Variants in PRDM14 observed in about 807,000 individuals in gnomAD.
PRDM14 encodes the protein PR/SET domain 14.
Under a neutral mutation model 48.0 loss-of-function variants are expected in PRDM14, and 16 were observed. The ratio of observed to expected loss-of-function variants is 0.33; its 90% CI spans 0.23 to 0.51. The LOEUF is 0.51. Among genes scored for constraint, PRDM14 ranks in the 20% least tolerant of loss-of-function variants. PRDM14 has a pLI of 0.97. For synonymous variants in PRDM14, 264 were observed against 276.6 expected, an observed-to-expected ratio of 0.95 and a Z score of 0.45; for missense variants, 566 against 719.6, an observed-to-expected ratio of 0.79 and a Z score of 2.44.
At chr8:70,065,327 T>C (rs1805649919) in intron 5 of PRDM14, among the ~76,000 whole-genome samples, 1 of 152,124 alleles carries the variant, frequency 6.6e-6, no homozygotes, top group Non-Finnish European at 1.5e-5. Flanking sequence ...TTTACAGGAA[T>C]TTACATTTAT....
chr8:70,065,905 CAG>C (rs1257067005), intron 5 of PRDM14, among the ~76,000 whole-genome samples: 1 of 152,030 alleles, frequency 6.6e-6, no homozygotes, highest in Non-Finnish European at 1.5e-5. Context: ...TTAGCCTGGG[CAG>C]AGATGAATCA....
chr8:70,056,880 A>C (rs1262330620), intron 6 of PRDM14, among the ~76,000 whole-genome samples: 1 of 150,810 alleles, frequency 6.6e-6, no homozygotes, highest in African/African-American at 2.4e-5. Flanking sequence ...CGTCTGTTGA[A>C]GGGTAAGCCA....
Position 70,069,501 on chromosome 8 carries a change from C to G in PRDM14, c.360G>C (p.Glu120Asp). 6.3e-7 allele frequency: 1 copy of G among 1,592,474 alleles called. No homozygotes were observed. The highest frequency in any genetic ancestry group is 8.6e-7 in the Non-Finnish European group (1 of 1,168,476). The stretch of plus-strand genomic sequence containing the variant: ...GATCTTCACTGCTGGCACCCGCGTA[C>G]TCGTGGCTGCTGCTCAGGAAGGGCG... Reference protein sequence around the residue: ...EVPPFLSSSHEYAGASSEDLG... With the variant: ...EVPPFLSSSHDYAGASSEDLG... Residue 120 changes from glutamate (E) to aspartate (D), a missense_variant, in exon 2 of 8, where the codon GAG becomes GAC. Around this residue, in one of 3 missense-constraint regions of PRDM14, gnomAD observed 410 missense variants for 424.6 expected, o/e 0.97. Transcript: ENST00000276594.
chr8:70,057,187 G>A (rs181818940), intron 6 of PRDM14, among the ~76,000 whole-genome samples: 1 of 152,042 alleles, frequency 6.6e-6, no homozygotes, highest in East Asian at 2.0e-4. Flanking sequence ...CGATGGTCTT[G>A]ATCTCCTGAC....
intron 2 of PRDM14, 68 bp from the exon 3 acceptor site, chr8:70,068,600 T>C: frequency 7.8e-7 from 1 of 1,283,998 alleles, no homozygotes. Context: ...ATGAGGTGTT[T>C]CCCTCCTTAA....
rs1206900365 is a variant in PRDM14 at position 70,069,613 on chromosome 8, C to T, written c.248G>A (p.Gly83Asp). The T allele has an allele frequency of 1.3e-6, 2 of 1,582,324 alleles. No homozygotes were observed. The highest frequency in any genetic ancestry group is 1.7e-6 in the Non-Finnish European group (2 of 1,164,834). The stretch of plus-strand genomic sequence containing the variant: ...ATCGTAGAGAGGCTCCCTCTGTAGG[C>T]CCAGACCCGGGCTCAGCAAGGGAGG... ...MAPPLLSPGL[G>D]LQREPLYDLP... Residue 83 changes from glycine to aspartate, a missense_variant, in exon 2 of 8, where the codon GGC becomes GAC. Around this residue, in one of 3 missense-constraint regions of PRDM14, gnomAD observed 410 missense variants for 424.6 expected, o/e 0.97. Transcript: ENST00000276594.
intron 5 of PRDM14, among the ~76,000 whole-genome samples, chr8:70,059,281 T>C (rs111792888): frequency 0.17 from 25,621 of 151,292 alleles, 2,612 homozygotes; most frequent in Admixed American, 0.29. Flanking sequence ...CTTTTCTTTT[T>C]TTTTTTTTGA....
At chr8:70,058,600 G>A (rs1275881959) in intron 6 of PRDM14, 40 bp downstream of exon 6, 3 of 1,575,740 alleles carry the variant, frequency 1.9e-6, no homozygotes, top group African/African-American at 1.3e-5. Flanking sequence ...GGAAGGGAGA[G>A]AGAACGTGAT....
chr8:70,070,101 C>G (rs951836436), intron 1 of PRDM14, among the ~76,000 whole-genome samples: 5 of 152,214 alleles, frequency 3.3e-5, no homozygotes, highest in Non-Finnish European at 7.3e-5. Context: ...CGGAAATCTG[C>G]CGGGATCCTG....
At chr8:70,058,994 GC>G in intron 5 of PRDM14, 152 bp from the exon 6 acceptor site, 1 of 646,060 alleles carries the variant, frequency 1.5e-6, no homozygotes, top group Non-Finnish European at 2.5e-6. Flanking sequence ...TTGCTGTATT[GC>G]CCAGTCTGTA....
chr8:70,057,889 G>C (rs1299403310), intron 6 of PRDM14, among the ~76,000 whole-genome samples: 1 of 152,138 alleles, frequency 6.6e-6, no homozygotes, highest in Non-Finnish European at 1.5e-5. Flanking sequence ...GGAGAAATTA[G>C]GACAATTTTA....
In PRDM14 at chr8:70,068,319, C is replaced by T. The variant is rs576020321; in HGVS notation, c.823G>A (p.Ala275Thr). The change falls in exon 4 of 8, where the codon GCC becomes ACC. Residue 275 changes from alanine (A) to threonine (T), a missense_variant. By Grantham distance (58) the Ala-to-Thr change is moderately conservative. Around this residue, in one of 3 missense-constraint regions of PRDM14, gnomAD observed 410 missense variants for 424.6 expected, o/e 0.97. Coordinates refer to ENST00000276594, the MANE Select transcript of PRDM14 (RefSeq NM_024504.4). ...HFGVFCSSFI[A>T]KGVRFGPFQG... is the part of the protein sequence containing the mutation. ...AAGGGCCCAAACCTGACTCCTTTGG[C>T]GATAAAACTACTGCAGAACACACCA... is the stretch of plus-strand genomic sequence containing the variant. 9.9e-6 allele frequency: 16 copies of T among 1,614,176 alleles called. No individual in the cohort carries two copies. Among genetic ancestry groups the T allele is most frequent in the South Asian group, 4.4e-5 (4 of 91,090 alleles).
intron 7 of PRDM14, among the ~76,000 whole-genome samples, chr8:70,054,072 A>T (rs989258000): frequency 6.6e-6 from 1 of 152,220 alleles, no homozygotes; most frequent in Non-Finnish European, 1.5e-5. Flanking sequence ...ATTAACCGCG[A>T]ACTGCACATT....
At chr8:70,053,456 T>C (rs1482263516) in intron 7 of PRDM14, among the ~76,000 whole-genome samples, 2 of 152,164 alleles carry the variant, frequency 1.3e-5, no homozygotes, top group African/African-American at 2.4e-5. Flanking sequence ...AGTGGCACAA[T>C]CTTGGCTCAC....
intron 6 of PRDM14, among the ~76,000 whole-genome samples, chr8:70,057,068 C>A (rs1210858629): frequency 6.6e-6 from 1 of 151,696 alleles, no homozygotes; most frequent in Non-Finnish European, 1.5e-5. Flanking sequence ...CAGGTTCACG[C>A]CATTCTCCTG....
At position 70,058,763 on chromosome 8, in the gene PRDM14, G is replaced by A. The variant is rs1440281297; in HGVS notation, c.1263C>T (p.Tyr421=). Residue 421 remains tyrosine (Y), a synonymous_variant, in exon 6 of 8, where the codon TAC becomes TAT. Transcript: ENST00000276594. ...TATCGCCCTTGTCCACACAGGGGGT[G>A]TACTTGAGGTGCTTATCTCTGTAAT... ...YKYYRDKHLK[Y]TPCVDKGDRK... The A allele has an allele frequency of 3.1e-6, 5 of 1,613,840 alleles. No individual in the cohort carries two copies. The Admixed American group carries it at 6.7e-5, about 22-fold the overall frequency.
intron 5 of PRDM14, among the ~76,000 whole-genome samples, chr8:70,059,276 C>CTT (rs1306697343): frequency 0.013 from 1,797 of 143,302 alleles, 44 homozygotes; most frequent in African/African-American, 0.045. Flanking sequence ...CTTTTCTTTT[C>CTT]TTTTTTTTTT....
intron 5 of PRDM14, 58 bp downstream of exon 5, chr8:70,066,177 A>T: frequency 6.4e-7 from 1 of 1,559,974 alleles, no homozygotes. Context: ...TTTGTGGAAA[A>T]GAGCCCAGTC....
rs2131043968 is a variant in PRDM14, at chr8:70,069,479, C to T, written c.382G>A (p.Asp128Asn). 2.5e-6 allele frequency: 4 copies of T among 1,582,120 alleles called. No individual in the cohort carries two copies. The highest frequency in any genetic ancestry group is 2.2e-5 in the East Asian group (1 of 44,522). ...CCACCAATGATTTGGTGGCCCAGAT[C>T]TTCACTGCTGGCACCCGCGTACTCG... The part of the protein sequence containing the change: ...SHEYAGASSE[D>N]LGHQIIGGDN... The change falls in exon 2 of 8, where the codon GAT becomes AAT. Residue 128 changes from aspartate to asparagine, a missense_variant. By Grantham distance (23) the Asp-to-Asn change is conservative. Coordinates refer to ENST00000276594, the MANE Select transcript of PRDM14 (RefSeq NM_024504.4).
Sources: gnomAD v4.1 joint callset for allele counts (sites outside exome capture counted in the v4.1 genomes callset) on GRCh38, gnomAD v4.1.1 for gene constraint, gnomAD v4.1.1 regional missense constraint, MANE v1.5 for transcripts, NCBI Gene and HGNC (gene_info 2026-07-23, HGNC 2026-07-21) for gene names.